Variants in RABGEF1 observed in about 807,000 individuals in gnomAD.
RABGEF1 encodes the protein rab5 GDP/GTP exchange factor.
In RABGEF1, 26 loss-of-function variants were observed where a neutral mutation model predicts 57.3. The observed-to-expected ratio is 0.45, with a 90% confidence interval of 0.33 to 0.63. The LOEUF (loss-of-function observed/expected upper bound fraction) is 0.63, where lower values mean the gene tolerates loss of function less well. Ranked by LOEUF, RABGEF1 falls within the 20% of genes least tolerant of loss-of-function variation. The pLI is 0.02. For missense variants in RABGEF1, 464 were observed against 607.6 expected, an observed-to-expected ratio of 0.76 and a Z score of 2.48; for synonymous variants, 185 against 210.7, an observed-to-expected ratio of 0.88 and a Z score of 1.06.
At chr7:66,777,202 A>G (rs1808763156) in intron 3 of RABGEF1, among the ~76,000 whole-genome samples, 1 of 152,224 alleles carries the variant, frequency 6.6e-6, no homozygotes, top group Non-Finnish European at 1.5e-5. Flanking sequence ...TCTTGATGAT[A>G]TGTAGTGAAA....
the RABGEF1 span, among the ~76,000 whole-genome samples, chr7:66,675,728 T>C: frequency 1.3e-5 from 2 of 152,158 alleles, no homozygotes; most frequent in South Asian, 2.1e-4. Flanking sequence ...AATTCAGCAA[T>C]GTAATAGGAT....
At chr7:66,669,703 C>T in the RABGEF1 span, 1 of 152,326 alleles carries the variant, frequency 6.6e-6, no homozygotes, top group African/African-American at 2.4e-5. Context: ...ACAGCTTGAA[C>T]ATAATGCGTC....
intron 1 of RABGEF1, among the ~76,000 whole-genome samples, chr7:66,696,704 A>G (rs1023115880): frequency 6.6e-5 from 10 of 151,820 alleles, no homozygotes; most frequent in Admixed American, 3.9e-4. Flanking sequence ...AAAAAAAAAA[A>G]AAAAAAAAGA....
rs151152582 is a variant in RABGEF1, at chr7:66,709,667, C to T, written c.-872-2500C>T. Among the ~76,000 whole-genome samples, 55 of 152,214 alleles carry T rather than the reference C, an allele frequency of 3.6e-4. 1 individual carries two copies. The East Asian group carries it at 0.011, about 29-fold the overall frequency. ...CAGGCATCTTGTAATCCCACCTACT[C>T]AGGAGCCTGAGGCAGGAGAATCGCT... On this transcript the variant is annotated intron_variant and NMD_transcript_variant, in intron 1 of 9. Coordinates refer to the RABGEF1 transcript ENST00000607882.
chr7:66,795,107 C>T (rs1813700257), intron 4 of RABGEF1, among the ~76,000 whole-genome samples: 1 of 152,092 alleles, frequency 6.6e-6, no homozygotes, highest in South Asian at 2.1e-4. Flanking sequence ...GGAGCCTGGC[C>T]CCTCTTCTTT....
chr7:66,719,395 G>C (rs1276364849), intron 2 of RABGEF1, among the ~76,000 whole-genome samples: 1 of 152,056 alleles, frequency 6.6e-6, no homozygotes. Flanking sequence ...TGTAGAGATG[G>C]GGTCTTGCTA....
chr7:66,799,446 T>C (rs1173694583), intron 7 of RABGEF1, 32 bp downstream of exon 7: 1 of 1,496,416 alleles, frequency 6.7e-7, no homozygotes. Flanking sequence ...TTTATTGGGA[T>C]GTTTTCCCCT....
intron 1 of RABGEF1, among the ~76,000 whole-genome samples, chr7:66,759,288 G>A (rs1002509659): frequency 2.6e-5 from 4 of 152,174 alleles, no homozygotes; most frequent in Admixed American, 6.5e-5. Flanking sequence ...ATTAATAAAG[G>A]TTAGTTGTGC....
chr7:66,687,192 C>G (rs1790793832), intron 1 of RABGEF1, among the ~76,000 whole-genome samples: 1 of 136,148 alleles, frequency 7.3e-6, no homozygotes, highest in African/African-American at 2.7e-5. Flanking sequence ...GTTGCTCGAT[C>G]TTGGCTCACT....
chr7:66,707,355 A>AT (rs1326066730), intron 1 of RABGEF1, among the ~76,000 whole-genome samples: 1 of 151,790 alleles, frequency 6.6e-6, no homozygotes, highest in Non-Finnish European at 1.5e-5. Context: ...GTTGGCATAC[A>AT]TTCTGTTTTT....
chr7:66,740,369 C>G (rs1798621055), upstream of RABGEF1: 1 of 152,272 alleles, frequency 6.6e-6, no homozygotes, highest in Admixed American at 6.5e-5. Context: ...GCTCCACCTC[C>G]CATTCGCGCT....
intron 1 of RABGEF1, among the ~76,000 whole-genome samples, chr7:66,703,498 CTT>C (rs1040000815): frequency 1.3e-5 from 2 of 152,138 alleles, no homozygotes; most frequent in African/African-American, 4.8e-5. Flanking sequence ...AAAGGTCTAA[CTT>C]TATTTTTTGG....
At chr7:66,789,565 C>A (rs1812076208) in intron 4 of RABGEF1, among the ~76,000 whole-genome samples, 1 of 151,480 alleles carries the variant, frequency 6.6e-6, no homozygotes, top group Non-Finnish European at 1.5e-5. Flanking sequence ...CACCTGTAGT[C>A]CCAGCTGCTT....
upstream of RABGEF1, among the ~76,000 whole-genome samples, chr7:66,677,682 A>G (rs540741917): frequency 1.6e-4 from 24 of 151,408 alleles, no homozygotes; most frequent in African/African-American, 5.8e-4. Flanking sequence ...GAATGGCGTG[A>G]ACCCGGGAGG....
intron 1 of RABGEF1, among the ~76,000 whole-genome samples, chr7:66,767,135 T>TGG (rs1805951137): frequency 6.6e-6 from 1 of 151,676 alleles, no homozygotes; most frequent in Admixed American, 6.6e-5. Context: ...CCCAAGTAGC[T>TGG]GGGATTACAG....
intron 2 of RABGEF1, chr7:66,774,012 G>T (rs1197659887): frequency 3.3e-6 from 1 of 305,662 alleles, no homozygotes; most frequent in African/African-American, 2.2e-5. Flanking sequence ...CTAATCCAAA[G>T]CCAAATTTAT....
At chr7:66,705,166 C>A (rs558103471) in intron 1 of RABGEF1, among the ~76,000 whole-genome samples, 1 of 151,928 alleles carries the variant, frequency 6.6e-6, no homozygotes, top group African/African-American at 2.4e-5. Flanking sequence ...TTTGGGAGGC[C>A]GAGGCAGGCA....
intron 1 of RABGEF1, among the ~76,000 whole-genome samples, chr7:66,693,587 C>T (rs1466835384): frequency 6.6e-6 from 1 of 152,132 alleles, no homozygotes; most frequent in African/African-American, 2.4e-5. Flanking sequence ...TGCCCTCTCC[C>T]ATGGAGTTAA....
chr7:66,757,919 CA>C (rs930181422), intron 1 of RABGEF1, among the ~76,000 whole-genome samples: 13 of 151,574 alleles, frequency 8.6e-5, no homozygotes, highest in African/African-American at 2.9e-4. Context: ...CCGACCAAAA[CA>C]TTTTTTTTTG....
Sources: allele counts gnomAD v4.1 joint callset (sites outside exome capture counted in the v4.1 genomes callset), GRCh38; gene constraint gnomAD v4.1.1; transcripts MANE v1.5; gene names NCBI Gene and HGNC (gene_info 2026-07-23, HGNC 2026-07-21).